The following SMARCD2 variants were observed in gnomAD, a reference collection of about 807,000 sequenced individuals.
The protein encoded by SMARCD2 is SWI/SNF related BAF chromatin remodeling complex subunit D2.
Under a neutral mutation model 70.4 loss-of-function variants are expected in SMARCD2, and 39 were observed. That is an observed-to-expected ratio of 0.55 (90% CI 0.43 to 0.72). The LOEUF (loss-of-function observed/expected upper bound fraction) is 0.72. Among genes scored for constraint, SMARCD2 ranks in the 30% least tolerant of loss-of-function variants. SMARCD2 has a pLI of 0.00. For synonymous variants in SMARCD2, 249 were observed against 279.4 expected (o/e 0.89, Z 1.08); for missense variants, 540 against 713.4 (o/e 0.76, Z 2.77).
intron 1 of SMARCD2, 139 bp downstream of exon 1, chr17:63,842,320 G>C (rs959276305): frequency 1.7e-6 from 2 of 1,168,168 alleles, no homozygotes; most frequent in African/African-American, 1.6e-5. Flanking sequence ...CGCAGCCCGA[G>C]GGTCCCGGCC....
At chr17:63,840,223 G>A (rs1904404326) in intron 1 of SMARCD2, among the ~76,000 whole-genome samples, 1 of 151,946 alleles carries the variant, frequency 6.6e-6, no homozygotes, top group African/African-American at 2.4e-5. Context: ...AGGCTGGAGT[G>A]CAGTGGCAGG....
In SMARCD2 at chr17:63,837,180, C is replaced by T. The variant is rs375135456; in HGVS notation, c.444+15G>A. The T allele has an allele frequency of 3.1e-6, 5 of 1,613,426 alleles. No individual in the cohort carries two copies. In the African/African-American group the frequency reaches 5.3e-5, roughly 17 times the overall value. ...GCCACTGGGCAGGCCTCCCAGGTGTCCTCTTAACACTTACTCGCTGAGGTA... is the reference window on the plus strand; with the variant it reads ...GCCACTGGGCAGGCCTCCCAGGTGTTCTCTTAACACTTACTCGCTGAGGTA... On this transcript the variant is annotated intron_variant, in intron 3 of 12. Transcript: ENST00000448276. The surrounding 1 kb of genome is among the most constrained non-coding windows in gnomAD (Gnocchi z 6.4).
At position 63,832,941 on chromosome 17, in the gene SMARCD2, G is replaced by A; in HGVS notation, c.1593C>T (p.Thr531=). 1.3e-6 allele frequency: 2 copies of A among 1,565,038 alleles called. No individual in the cohort carries two copies. The highest frequency in any genetic ancestry group is 4.8e-5 in the East Asian group (2 of 41,902). ...GGGAAGAAAGATCCCTGAGCAGTTAGGTCAGGCGAATTCCCAGCACCTGTT... is the reference window on the plus strand; with the variant it reads ...GGGAAGAAAGATCCCTGAGCAGTTAAGTCAGGCGAATTCCCAGCACCTGTT... ...ELEQVLGIRL[T] Residue 531 remains threonine (T), a synonymous_variant, in exon 13 of 13, where the codon ACC becomes ACT. Coordinates refer to ENST00000448276, the MANE Select transcript of SMARCD2 (RefSeq NM_001098426.2).
rs751590969 is a variant in SMARCD2 at position 63,833,134 on chromosome 17, TCTC to T, written c.1474_1476del (p.Glu492del). Reference sequence around the variant, plus strand: ...GGCTGGTGGTAGAAAGCAGCTCGTCTCTCCTCCTCAGGATTTCCAATCACATCA... The same window carrying T: ...GGCTGGTGGTAGAAAGCAGCTCGTCTCTCCTCAGGATTTCCAATCACATCA... On this transcript the variant is annotated inframe_deletion, in exon 12 of 13. Transcript: ENST00000448276. The surrounding 1 kb of genome is among the most constrained non-coding windows in gnomAD (Gnocchi z 4.3). 31 of 1,608,018 alleles carry T rather than the reference TCTC, an allele frequency of 1.9e-5. No individual in the cohort carries two copies. The highest frequency in any genetic ancestry group is 3.4e-5 in the Admixed American group (2 of 59,038).
rs765871125 is a variant in SMARCD2 at position 63,836,901 on chromosome 17, G to A, written c.567+21C>T. On this transcript the variant is annotated intron_variant, in intron 4 of 12. Transcript: ENST00000448276. ...GGCAAGGAAACCTGGGAAGGCTAGA[G>A]GTGGTCAGGGCCACACATACTGTCA... 8 of 1,602,296 alleles carry A rather than the reference G, an allele frequency of 5.0e-6. No homozygotes were observed. The Admixed American group carries it at 8.4e-5, about 17-fold the overall frequency.
At position 63,834,819 on chromosome 17, in the gene SMARCD2, G is replaced by A; in HGVS notation, c.724-19C>T. ...TGCTAGGCTGGGGATGGAAAGGGGTGTGAGATGGTGCTGCTGAGCTCTCAA... is the reference window on the plus strand; with the variant it reads ...TGCTAGGCTGGGGATGGAAAGGGGTATGAGATGGTGCTGCTGAGCTCTCAA... On this transcript the variant is annotated intron_variant, in intron 5 of 12. Transcript: ENST00000448276. The surrounding 1 kb of genome is among the most constrained non-coding windows in gnomAD (Gnocchi z 5.6). The A allele has an allele frequency of 6.6e-7, 1 of 1,506,614 alleles. No individual in the cohort carries two copies. Among genetic ancestry groups the A allele is most frequent in the South Asian group, 1.1e-5 (1 of 89,024 alleles). The allele number at this position is 1,506,614 out of a possible 1,614,324, so 93.3% of individuals were successfully genotyped here.
At chr17:63,835,168 G>A (rs1598358258) in intron 5 of SMARCD2, 2 of 545,978 alleles carry the variant, frequency 3.7e-6, no homozygotes, top group East Asian at 3.1e-5. Flanking sequence ...CTGTCACCCA[G>A]GCTGAAGTGC....
In SMARCD2 at chr17:63,835,417, C is replaced by A; in HGVS notation, c.718G>T (p.Asp240Tyr). ...WELRVEGKLL[D>Y]DPSKQKRKFS... ...AACCTCCCTCCCCAACTCACATCAT[C>A]CAGCAGTTTTCCTTCCACTCGGAGT... The change falls in exon 5 of 13, where the codon GAT (aspartate) becomes TAT (tyrosine). Residue 240 changes from aspartate (D) to tyrosine (Y), a missense_variant. Asp to Tyr is a radical substitution (Grantham distance 160). Coordinates refer to ENST00000448276, the MANE Select transcript of SMARCD2 (RefSeq NM_001098426.2). 2 of 1,613,074 alleles carry A rather than the reference C, an allele frequency of 1.2e-6. No individual in the cohort carries two copies. The highest frequency in any genetic ancestry group is 1.7e-6 in the Non-Finnish European group (2 of 1,179,316).
At chr17:63,835,151 T>G in intron 5 of SMARCD2, 1 of 535,624 alleles carries the variant, frequency 1.9e-6, no homozygotes, top group Non-Finnish European at 3.3e-6. Flanking sequence ...TGAGACACAA[T>G]CTCACTCTGT....
At chr17:63,835,641 ATG>A in intron 4 of SMARCD2, 74 bp from the exon 5 acceptor site, 5 of 1,452,080 alleles carry the variant, frequency 3.4e-6, no homozygotes, top group Non-Finnish European at 4.8e-6. Flanking sequence ...ATCTTCTCAT[ATG>A]AACCATTCAA....
chr17:63,838,720 GCA>G, intron 1 of SMARCD2: 1 of 1,335,792 alleles, frequency 7.5e-7, no homozygotes, highest in Middle Eastern at 2.0e-4. Context: ...GCTCTGCCTT[GCA>G]CACACTGTCC....
In SMARCD2 at chr17:63,833,809, A is replaced by G; in HGVS notation, c.1182-87T>C. 1 of 1,582,378 alleles carries G rather than the reference A, an allele frequency of 6.3e-7. No individual in the cohort carries two copies. Among genetic ancestry groups the G allele is most frequent in the African/African-American group, 1.3e-5 (1 of 74,138 alleles). The stretch of plus-strand genomic sequence containing the variant: ...AATCTGGGGCCCATTCTCTGCACAC[A>G]CTCAGGGAAAAAGAAACCTGATGCT... On this transcript the variant is annotated intron_variant, in intron 9 of 12. Coordinates refer to ENST00000448276, the MANE Select transcript of SMARCD2 (RefSeq NM_001098426.2). This position sits in a 1 kb window ranked among gnomAD's most constrained non-coding sequence, Gnocchi z 4.3.
chr17:63,838,763 C>G, intron 1 of SMARCD2: 3 of 1,274,298 alleles, frequency 2.4e-6, no homozygotes, highest in Non-Finnish European at 3.0e-6. Context: ...GCCCCAGGGC[C>G]CAGATTATGC....
chr17:63,839,900 G>A (rs935580680), intron 1 of SMARCD2, among the ~76,000 whole-genome samples: 3 of 152,120 alleles, frequency 2.0e-5, no homozygotes, highest in East Asian at 1.9e-4. Flanking sequence ...AGGCCGAGGC[G>A]GGTGGATCAC....
chr17:63,836,242 G>A (rs937597018), intron 4 of SMARCD2, among the ~76,000 whole-genome samples: 7 of 152,050 alleles, frequency 4.6e-5, no homozygotes, highest in South Asian at 2.1e-4. Flanking sequence ...AAAGCTTCTC[G>A]GCTGGGTGCA....
intron 1 of SMARCD2, chr17:63,839,149 T>C: frequency 1.0e-6 from 1 of 985,404 alleles, no homozygotes; most frequent in Non-Finnish European, 1.2e-6. Flanking sequence ...TTGTTCTTTC[T>C]CTGGCCTGAG....
At position 63,833,161 on chromosome 17, in the gene SMARCD2, C is replaced by T. The variant is rs753060205; in HGVS notation, c.1450G>A (p.Asp484Asn). Reference sequence around the variant, plus strand: ...TCCTCCTCAGGATTTCCAATCACATCAGTGATGATCTGCAAAGAGCCAGGA... The same window carrying T: ...TCCTCCTCAGGATTTCCAATCACATTAGTGATGATCTGCAAAGAGCCAGGA... ...SQRRDLKIITDVIGNPEEERR... is the reference protein window; with the variant it reads ...SQRRDLKIITNVIGNPEEERR... The change falls in exon 12 of 13, where the codon GAT becomes AAT. Residue 484 changes from aspartate (D) to asparagine (N), a missense_variant. By Grantham distance (23) the Asp-to-Asn change is conservative (BLOSUM62 1). Coordinates refer to ENST00000448276, the MANE Select transcript of SMARCD2 (RefSeq NM_001098426.2). The surrounding 1 kb of genome is among the most constrained non-coding windows in gnomAD (Gnocchi z 4.3). The T allele has an allele frequency of 1.2e-6, 2 of 1,607,994 alleles. No homozygotes were observed. The highest frequency in any genetic ancestry group is 1.3e-5 in the African/African-American group (1 of 74,776).
At chr17:63,839,317 C>CT (rs1904347860) in intron 1 of SMARCD2, 3 of 822,068 alleles carry the variant, frequency 3.6e-6, no homozygotes, top group Admixed American at 1.2e-4. Flanking sequence ...AAGCTCCCTG[C>CT]TGCAGTGTTC....
Position 63,837,717 on chromosome 17 carries a change from G to A in SMARCD2, c.217-92C>T, listed in dbSNP as rs2040284730. The A allele has an allele frequency of 9.2e-7, 1 of 1,084,390 alleles. No individual in the cohort carries two copies. Among genetic ancestry groups the A allele is most frequent in the Admixed American group, 2.4e-5 (1 of 41,628 alleles). 67.2% of individuals were successfully genotyped at this position (1,084,390 alleles called of 1,614,324 possible). ...GCCCTCCATCCCTCTCGTCAGCCAG[G>A]TAGGGCCTGAGCAGCACACCAGAGC... is the stretch of plus-strand genomic sequence containing the variant. On this transcript the variant is annotated intron_variant, in intron 1 of 12. Coordinates refer to ENST00000448276, the MANE Select transcript of SMARCD2 (RefSeq NM_001098426.2). This position sits in a 1 kb window ranked among gnomAD's most constrained non-coding sequence, Gnocchi z 6.4.
Sources: gnomAD v4.1 joint callset for allele counts (sites outside exome capture counted in the v4.1 genomes callset) on GRCh38, gnomAD v4.1.1 for gene constraint, Gnocchi (gnomAD v3.1) non-coding constraint, MANE v1.5 for transcripts, NCBI Gene and HGNC (gene_info 2026-07-23, HGNC 2026-07-21) for gene names.